Variants in ADGRL3 observed in about 807,000 individuals in gnomAD.
ADGRL3 encodes the protein calcium-independent alpha-latrotoxin receptor 3.
A neutral mutation model predicts 153.5 loss-of-function variants in ADGRL3; 62 were observed. That is an observed-to-expected ratio of 0.40 (90% CI 0.33 to 0.50). ADGRL3 has a LOEUF of 0.50. Among genes scored for constraint, ADGRL3 ranks in the 20% least tolerant of loss-of-function variants. The pLI, the probability that ADGRL3 is intolerant of heterozygous loss-of-function variation, is 0.47. For missense variants in ADGRL3, 1,641 were observed against 1,859.4 expected (o/e 0.88, Z 2.16); for synonymous variants, 710 against 672.5 (o/e 1.06, Z -0.86).
chr4:61,385,786 A>AGTT (rs1305597504), intron 2 of ADGRL3: 1 of 152,194 alleles, frequency 6.6e-6, no homozygotes, highest in Non-Finnish European at 1.5e-5. Context: ...ACTATTATAT[A>AGTT]TTCAACTTTG....
chr4:61,881,550 T>C (rs1019872493), intron 9 of ADGRL3, among the ~76,000 whole-genome samples: 15 of 152,044 alleles, frequency 9.9e-5, no homozygotes, highest in African/African-American at 3.6e-4. Flanking sequence ...GGCTAGTTTT[T>C]GCGTTTTAGT....
chr4:61,358,308 G>A (rs896001860), intron 1 of ADGRL3, among the ~76,000 whole-genome samples: 2 of 152,082 alleles, frequency 1.3e-5, no homozygotes, highest in African/African-American at 4.8e-5. Context: ...CATGAAAGCA[G>A]ACCATTGGGC....
intron 2 of ADGRL3, among the ~76,000 whole-genome samples, chr4:61,432,669 T>TCTTTCTCTTTC (rs2097386777): frequency 6.9e-6 from 1 of 144,194 alleles, no homozygotes; most frequent in Non-Finnish European, 1.5e-5. Context: ...TTTTTTTTTT[T>TCTTTCTCTTTC]TGAGACAGAA....
intron 17 of ADGRL3, among the ~76,000 whole-genome samples, chr4:61,959,330 A>T (rs1014566820): frequency 6.6e-6 from 1 of 152,200 alleles, no homozygotes; most frequent in African/African-American, 2.4e-5. Flanking sequence ...CTCTAGTCAA[A>T]TTATAATTCT....
intron 5 of ADGRL3, among the ~76,000 whole-genome samples, chr4:61,623,824 T>C (rs1162065320): frequency 1.3e-5 from 2 of 152,134 alleles, no homozygotes; most frequent in East Asian, 3.8e-4. Flanking sequence ...TAAAGGAATG[T>C]GATCTAGTCT....
intron 25 of ADGRL3, among the ~76,000 whole-genome samples, chr4:62,066,677 T>G (rs1743153332): frequency 6.6e-6 from 1 of 152,106 alleles, no homozygotes; most frequent in Non-Finnish European, 1.5e-5. Flanking sequence ...TTAATTCAAT[T>G]CTAAAGCTTT....
At chr4:61,803,408 T>G (rs146825206) in intron 8 of ADGRL3, among the ~76,000 whole-genome samples, 1 of 152,282 alleles carries the variant, frequency 6.6e-6, no homozygotes, top group Non-Finnish European at 1.5e-5. Flanking sequence ...TCTGATTTAA[T>G]ACATAAATTT....
At chr4:61,807,310 AAAT>A (rs1400726538) in intron 8 of ADGRL3, among the ~76,000 whole-genome samples, 1 of 144,194 alleles carries the variant, frequency 6.9e-6, no homozygotes, top group Non-Finnish European at 1.5e-5. Context: ...TCTTTGCAAA[AAAT>A]AATTGCTCTA....
chr4:61,562,797 G>C (rs184361989), intron 4 of ADGRL3, among the ~76,000 whole-genome samples: 1 of 151,988 alleles, frequency 6.6e-6, no homozygotes, highest in East Asian at 1.9e-4. Context: ...TGTTTATTTT[G>C]ATCTTCTTCA....
chr4:62,021,617 T>C (rs2099238629), intron 21 of ADGRL3, among the ~76,000 whole-genome samples: 2 of 152,202 alleles, frequency 1.3e-5, no homozygotes. Context: ...CAAGCAAGTC[T>C]ATCAGTGCCA....
chr4:61,848,545 A>G (rs1385149466), intron 9 of ADGRL3, among the ~76,000 whole-genome samples: 1 of 152,044 alleles, frequency 6.6e-6, no homozygotes, highest in Non-Finnish European at 1.5e-5. Context: ...ATTGAATTAC[A>G]TCTACGAAGA....
At chr4:61,869,768 G>A (rs182494034) in intron 9 of ADGRL3, among the ~76,000 whole-genome samples, 12 of 150,202 alleles carry the variant, frequency 8.0e-5, no homozygotes, top group Non-Finnish European at 1.3e-4. Flanking sequence ...GAGAAACCCC[G>A]TCTCTACTAA....
intron 5 of ADGRL3, among the ~76,000 whole-genome samples, chr4:61,642,455 G>A (rs2150198465): frequency 6.6e-6 from 1 of 152,102 alleles, no homozygotes; most frequent in East Asian, 1.9e-4. Flanking sequence ...ATCTTGAATT[G>A]ATTTTTGTAT....
intron 6 of ADGRL3, among the ~76,000 whole-genome samples, chr4:61,706,246 C>T (rs924680795): frequency 1.3e-5 from 2 of 151,888 alleles, no homozygotes; most frequent in South Asian, 2.1e-4. Context: ...ATGGTGAAAC[C>T]TCATCTCTAC....
At chr4:61,339,327 C>A (rs1348323544) in intron 1 of ADGRL3, among the ~76,000 whole-genome samples, 3 of 152,148 alleles carry the variant, frequency 2.0e-5, no homozygotes, top group Admixed American at 6.5e-5. Context: ...ATACAATCTG[C>A]AAATTTGGTG....
intron 2 of ADGRL3, among the ~76,000 whole-genome samples, chr4:61,466,776 A>C (rs560794916): frequency 6.6e-6 from 1 of 152,296 alleles, no homozygotes; most frequent in Non-Finnish European, 1.5e-5. Flanking sequence ...ATCAATTAAT[A>C]AAATGGGATT....
chr4:61,844,602 T>G (rs1310525710), intron 9 of ADGRL3, among the ~76,000 whole-genome samples: 15 of 92,790 alleles, frequency 1.6e-4, no homozygotes, highest in African/African-American at 5.7e-4. Context: ...ATATATTTAC[T>G]TTATTCACCC....
chr4:61,876,350 A>G (rs369889191), intron 9 of ADGRL3, among the ~76,000 whole-genome samples: 2 of 152,022 alleles, frequency 1.3e-5, no homozygotes, highest in African/African-American at 2.4e-5. Flanking sequence ...GTTTCACAGC[A>G]AGAAAATACA....
At chr4:61,443,895 G>A (rs1032819018) in intron 2 of ADGRL3, among the ~76,000 whole-genome samples, 1 of 152,088 alleles carries the variant, frequency 6.6e-6, no homozygotes, top group African/African-American at 2.4e-5. Flanking sequence ...GGATTTAGGT[G>A]GTTTCATTTT....
Sources: gnomAD v4.1 joint callset for allele counts (sites outside exome capture counted in the v4.1 genomes callset) on GRCh38, gnomAD v4.1.1 for gene constraint, MANE v1.5 for transcripts, NCBI Gene and HGNC (gene_info 2026-07-23, HGNC 2026-07-21) for gene names.